The following ZNF536 variants were observed in gnomAD, a reference collection of about 807,000 sequenced individuals.
The protein encoded by ZNF536 is zinc finger protein 536.
A neutral mutation model predicts 84.5 loss-of-function variants in ZNF536; 13 were observed. The ratio of observed to expected loss-of-function variants is 0.15; its 90% CI spans 0.10 to 0.24. The LOEUF (loss-of-function observed/expected upper bound fraction) is 0.24. Ranked by LOEUF, ZNF536 falls within the 10% of genes least tolerant of loss-of-function variation. The pLI, the probability that ZNF536 is intolerant of heterozygous loss-of-function variation, is 1.00. For missense variants in ZNF536, 1,536 were observed against 1,747.5 expected (o/e 0.88, Z 2.16); for synonymous variants, 811 against 742.5 (o/e 1.09, Z -1.50).
chr19:30,623,020 G>GTTTTTTTTTTTTTTTT (rs66483120), intron 1 of ZNF536, among the ~76,000 whole-genome samples: 2 of 129,542 alleles, frequency 1.5e-5, no homozygotes, highest in Non-Finnish European at 1.6e-5. Flanking sequence ...AAAATCTTGT[G>GTTTTTTTTTTTTTTTT]TTTTTTTTTT....
At chr19:30,424,062 C>T (rs923180767) in intron 1 of ZNF536, among the ~76,000 whole-genome samples, 29 of 152,308 alleles carry the variant, frequency 1.9e-4, no homozygotes, top group African/African-American at 5.5e-4. Context: ...TATGCAAGGG[C>T]GGCCACTCTG....
upstream of ZNF536, among the ~76,000 whole-genome samples, chr19:30,226,603 G>A (rs2022627382): frequency 6.6e-6 from 1 of 152,092 alleles, no homozygotes; most frequent in Non-Finnish European, 1.5e-5. This position sits in a 1 kb window ranked among gnomAD's most constrained non-coding sequence, Gnocchi z 4.6. Flanking sequence ...GCGCCTGCAA[G>A]CGCAGGCGGC....
intron 1 of ZNF536, among the ~76,000 whole-genome samples, chr19:30,599,897 T>G (rs1205550789): frequency 1.3e-5 from 2 of 152,136 alleles, no homozygotes; most frequent in Admixed American, 1.3e-4. Flanking sequence ...CCCTCCAAAA[T>G]TAAGTGACAA....
intron 1 of ZNF536, among the ~76,000 whole-genome samples, chr19:30,649,549 CTTTTT>C (rs35137042): frequency 3.2e-5 from 4 of 123,878 alleles, no homozygotes; most frequent in Non-Finnish European, 5.1e-5. Flanking sequence ...CAGCATTTTC[CTTTTT>C]TTTTTTTTTT....
At chr19:30,423,481 G>A (rs1161957130) in intron 1 of ZNF536, among the ~76,000 whole-genome samples, 1 of 152,228 alleles carries the variant, frequency 6.6e-6, no homozygotes, top group African/African-American at 2.4e-5. Context: ...TGGAACAAGT[G>A]GCTATTCTAT....
At chr19:30,686,234 C>G (rs953355782) in intron 1 of ZNF536, among the ~76,000 whole-genome samples, 3 of 152,028 alleles carry the variant, frequency 2.0e-5, no homozygotes, top group Non-Finnish European at 4.4e-5. Context: ...GCAGCGAGCA[C>G]CCCCCAACTC....
chr19:30,585,378 T>A (rs1370209667), intron 1 of ZNF536, among the ~76,000 whole-genome samples: 1 of 152,056 alleles, frequency 6.6e-6, no homozygotes, highest in East Asian at 1.9e-4. Flanking sequence ...AATGAAGGGA[T>A]GAATAGTAGA....
chr19:30,432,058 CAGAG>C (rs1055131165), intron 1 of ZNF536, among the ~76,000 whole-genome samples: 1 of 150,216 alleles, frequency 6.7e-6, no homozygotes, highest in South Asian at 2.1e-4. Flanking sequence ...GAGAGAGAGT[CAGAG>C]AGAGAGAGAG....
intron 1 of ZNF536, among the ~76,000 whole-genome samples, chr19:30,379,798 GCCA>G (rs1326556037): frequency 6.6e-6 from 1 of 152,048 alleles, no homozygotes; most frequent in Non-Finnish European, 1.5e-5. Context: ...GCTTTGCAAA[GCCA>G]CCAAGGCATG....
At chr19:30,466,705 G>A in intron 2 of ZNF536, among the ~76,000 whole-genome samples, 1 of 146,420 alleles carries the variant, frequency 6.8e-6, no homozygotes, top group Non-Finnish European at 1.5e-5. Context: ...AGAAGGAAAG[G>A]AAGGTAGGAA....
chr19:30,641,944 A>G (rs1192091386), intron 1 of ZNF536, among the ~76,000 whole-genome samples: 3 of 152,186 alleles, frequency 2.0e-5, no homozygotes, highest in Non-Finnish European at 1.5e-5. Flanking sequence ...GGATAATAGT[A>G]CGAGCCAAAG....
At chr19:30,621,000 G>A (rs1239288351) in intron 1 of ZNF536, among the ~76,000 whole-genome samples, 6 of 152,028 alleles carry the variant, frequency 3.9e-5, no homozygotes, top group Admixed American at 1.3e-4. Context: ...TTCTAATCAA[G>A]AGTATTCTTT....
At chr19:30,688,257 C>T (rs2051275403) in intron 1 of ZNF536, among the ~76,000 whole-genome samples, 2 of 152,172 alleles carry the variant, frequency 1.3e-5, no homozygotes, top group Admixed American at 1.3e-4. Context: ...TCCTTCCCAG[C>T]ACCTGAGCCT....
At chr19:30,368,032 G>A (rs1600414537), upstream of ZNF536, among the ~76,000 whole-genome samples, 2 of 152,048 alleles carry the variant, frequency 1.3e-5, no homozygotes, top group African/African-American at 2.4e-5. Context: ...TTCATGCCTG[G>A]TCTCCCCACC....
intron 1 of ZNF536, among the ~76,000 whole-genome samples, chr19:30,595,558 G>A (rs1208897242): frequency 6.6e-6 from 1 of 152,090 alleles, no homozygotes; most frequent in Non-Finnish European, 1.5e-5. Context: ...AAAGCACTGG[G>A]ATTACAGTGG....
chr19:30,632,755 T>C (rs1322448090), intron 1 of ZNF536, among the ~76,000 whole-genome samples: 1 of 152,210 alleles, frequency 6.6e-6, no homozygotes, highest in East Asian at 1.9e-4. Context: ...TGACAAGCAG[T>C]TTGATGTTGC....
intron 3 of ZNF536, among the ~76,000 whole-genome samples, chr19:30,536,667 G>A (rs1035012278): frequency 6.6e-6 from 1 of 152,126 alleles, no homozygotes; most frequent in African/African-American, 2.4e-5. Context: ...TGTTCAAGGT[G>A]GCGCAGAGGA....
intron 1 of ZNF536, among the ~76,000 whole-genome samples, chr19:30,691,955 C>A (rs918917279): frequency 6.6e-5 from 10 of 152,182 alleles, no homozygotes; most frequent in Non-Finnish European, 1.5e-4. Context: ...AGCCTCTGCC[C>A]GGGCCTCCAC....
At chr19:30,565,421 A>G (rs2046316428) in intron 1 of ZNF536, among the ~76,000 whole-genome samples, 1 of 152,124 alleles carries the variant, frequency 6.6e-6, no homozygotes, top group Non-Finnish European at 1.5e-5. Flanking sequence ...CCCTCCTGTG[A>G]AGCCCGCAGG....
Sources: allele counts gnomAD v4.1 joint callset (sites outside exome capture counted in the v4.1 genomes callset), GRCh38; gene constraint gnomAD v4.1.1; non-coding constraint Gnocchi (gnomAD v3.1); transcripts MANE v1.5; gene names NCBI Gene and HGNC (gene_info 2026-07-23, HGNC 2026-07-21).